Variants in LIPA observed in about 807,000 individuals in gnomAD.
The protein encoded by LIPA is lysosomal acid lipase/cholesteryl ester hydrolase.
LIPA carries 26 observed loss-of-function variants against 40.6 expected under a neutral mutation model. The observed-to-expected ratio is 0.64, with a 90% CI of 0.47 to 0.89. The LOEUF is 0.89. Among genes scored for constraint, LIPA ranks in the 40% least tolerant of loss-of-function variants. The probability of loss-of-function intolerance (pLI) is 0.00; values close to 1 mark genes in which losing one functional copy is unlikely to be tolerated. For missense variants in LIPA, 455 were observed against 479.6 expected (o/e 0.95, Z 0.48); for synonymous variants, 188 against 168.4 (o/e 1.12, Z -0.90).
At chr10:89,372,416 T>C (rs904906337) in intron 2 of LIPA, among the ~76,000 whole-genome samples, 5 of 152,160 alleles carry the variant, frequency 3.3e-5, no homozygotes, top group Non-Finnish European at 5.9e-5. Flanking sequence ...ACTGAGGAAG[T>C]TTTTCATGAA....
At chr10:89,411,564 C>G (rs1188063997) in intron 2 of LIPA, among the ~76,000 whole-genome samples, 1 of 152,214 alleles carries the variant, frequency 6.6e-6, no homozygotes. Context: ...AACAGTGTAA[C>G]ATGCATTATC....
intron 2 of LIPA, chr10:89,383,666 T>A (rs1230047557): frequency 9.9e-6 from 16 of 1,614,124 alleles, no homozygotes; most frequent in Non-Finnish European, 1.3e-5. Context: ...CAGACTTACC[T>A]GGACAAGGTG....
chr10:89,287,847 C>T (rs1843349852), intron 1 of LIPA, among the ~76,000 whole-genome samples: 2 of 152,200 alleles, frequency 1.3e-5, no homozygotes, highest in Non-Finnish European at 1.5e-5. Flanking sequence ...ACCTTATCAA[C>T]CAAATTGTTT....
In LIPA at chr10:89,282,090, T is replaced by C. The variant is rs577799767; in HGVS notation, c.-1-34441A>G. Among the ~76,000 whole-genome samples the C allele has an allele frequency of 3.3e-5, 5 of 152,344 alleles. No individual in the cohort carries two copies. In the East Asian group the frequency reaches 9.6e-4, roughly 29 times the overall value. ...GATGGAAACCAAGGCACAGAACTACTGTGACTTTCCCAGAACCTCAGACCT... is the reference window on the plus strand; with the variant it reads ...GATGGAAACCAAGGCACAGAACTACCGTGACTTTCCCAGAACCTCAGACCT... On this transcript the variant is annotated intron_variant, in intron 1 of 5. Transcript: ENST00000282673.
chr10:89,264,033 C>T lies in LIPA; in HGVS notation c.-1-16384G>A, dbSNP rs575042264. On this transcript the variant is annotated intron_variant, in intron 1 of 5. Transcript: ENST00000282673. ...TCCAGAAACTTGGAGAAGCCAGAAA[C>T]CACAGTGCCCCAAAGAGGGTGGCAC... 2.0e-5 allele frequency among the ~76,000 whole-genome samples: 3 copies of T among 152,348 alleles called. No individual in the cohort carries two copies. In the East Asian group the frequency reaches 5.8e-4, roughly 29 times the overall value.
chr10:89,222,424 G>A, intron 8 of LIPA, 87 bp downstream of exon 8: 2 of 844,826 alleles, frequency 2.4e-6, no homozygotes, highest in Non-Finnish European at 4.2e-6. Flanking sequence ...TAAGCAGGTT[G>A]TCTTTCTATT....
intron 1 of LIPA, among the ~76,000 whole-genome samples, chr10:89,265,791 A>G (rs1442871957): frequency 1.3e-5 from 2 of 152,246 alleles, no homozygotes; most frequent in Non-Finnish European, 2.9e-5. Context: ...AAAATAGCTC[A>G]CTAGTTAATG....
At chr10:89,360,688 C>T (rs540588970) in intron 2 of LIPA, among the ~76,000 whole-genome samples, 1 of 152,344 alleles carries the variant, frequency 6.6e-6, no homozygotes, top group East Asian at 1.9e-4. Context: ...CTGCACCTGG[C>T]TCGTTCCCCA....
At chr10:89,382,717 G>A (rs181323392) in intron 2 of LIPA, among the ~76,000 whole-genome samples, 1 of 152,318 alleles carries the variant, frequency 6.6e-6, no homozygotes, top group Admixed American at 6.5e-5. Context: ...CACCCACTTG[G>A]AACCCCTCCA....
In LIPA at chr10:89,360,645, C is replaced by T. The variant is rs187308762; in HGVS notation, c.61+52146G>A. On this transcript the variant is annotated intron_variant, in intron 2 of 8. Coordinates refer to the LIPA transcript ENST00000371837. ...CCAACCTCAGGTGATCCACCCGCCT[C>T]GGCCTCCCAAGGCATGAGCCAGGCA... Among the ~76,000 whole-genome samples, 254 of 152,312 alleles carry T rather than the reference C, an allele frequency of 1.7e-3. 2 individuals are homozygous for T. Among genetic ancestry groups the T allele is most frequent in the Non-Finnish European group, 2.8e-3 (188 of 68,028 alleles).
rs749246446 is a variant in LIPA, at chr10:89,376,997, G to A, written c.61+35794C>T. Among the ~76,000 whole-genome samples the A allele has an allele frequency of 7.2e-5, 11 of 152,136 alleles. No individual in the cohort carries two copies. In the East Asian group the frequency reaches 1.2e-3, roughly 16 times the overall value. Reference sequence around the variant, plus strand: ...TGAAATGCTCACTCAGAGGGAAATCGCTCTCAGTCTTTGCCCTTTTGCTTA... The same window carrying A: ...TGAAATGCTCACTCAGAGGGAAATCACTCTCAGTCTTTGCCCTTTTGCTTA... On this transcript the variant is annotated intron_variant, in intron 2 of 8. Coordinates refer to the LIPA transcript ENST00000371837.
intron 3 of LIPA, among the ~76,000 whole-genome samples, chr10:89,237,383 T>C (rs1362220857): frequency 6.6e-6 from 1 of 152,162 alleles, no homozygotes; most frequent in African/African-American, 2.4e-5. Flanking sequence ...AGAGGCTGCA[T>C]ATAAATTCCT....
intron 2 of LIPA, chr10:89,406,131 C>T (rs1844527046): frequency 6.6e-6 from 1 of 152,172 alleles, no homozygotes; most frequent in Admixed American, 6.5e-5. Flanking sequence ...GGTACATGTG[C>T]AGGATGTTCA....
chr10:89,261,434 G>A (rs1342164637), intron 1 of LIPA, among the ~76,000 whole-genome samples: 1 of 152,208 alleles, frequency 6.6e-6, no homozygotes, highest in African/African-American at 2.4e-5. Context: ...GAACCCGGGA[G>A]GAGGAGGTTG....
At chr10:89,329,916 G>A (rs1339997690) in intron 1 of LIPA, among the ~76,000 whole-genome samples, 1 of 152,112 alleles carries the variant, frequency 6.6e-6, no homozygotes, top group East Asian at 1.9e-4. Flanking sequence ...ATTTGGGTAG[G>A]TAAAGGAAAA....
chr10:89,369,008 C>G (rs1334241697), intron 2 of LIPA, among the ~76,000 whole-genome samples: 2 of 152,072 alleles, frequency 1.3e-5, no homozygotes, highest in Non-Finnish European at 2.9e-5. Flanking sequence ...CTCTTTGGAG[C>G]TGCCAGGTGT....
chr10:89,303,271 G>A (rs573939103), intron 1 of LIPA, among the ~76,000 whole-genome samples: 1 of 152,140 alleles, frequency 6.6e-6, no homozygotes, highest in Non-Finnish European at 1.5e-5. Context: ...GCTTATTAAG[G>A]ACAGAGTCCT....
intron 1 of LIPA, among the ~76,000 whole-genome samples, chr10:89,336,095 G>A (rs1308962892): frequency 2.7e-5 from 4 of 146,282 alleles, no homozygotes; most frequent in Non-Finnish European, 4.5e-5. Flanking sequence ...GGGCAATATA[G>A]TGAGACCCTG....
intron 2 of LIPA, chr10:89,383,911 G>C: frequency 6.2e-7 from 1 of 1,614,166 alleles, no homozygotes; most frequent in Non-Finnish European, 8.5e-7. Flanking sequence ...GAGGAATAAG[G>C]CATTTTCTCT....
Sources: gnomAD v4.1 joint callset for allele counts (sites outside exome capture counted in the v4.1 genomes callset) on GRCh38, gnomAD v4.1.1 for gene constraint, MANE v1.5 for transcripts, NCBI Gene and HGNC (gene_info 2026-07-23, HGNC 2026-07-21) for gene names.